SGCG: variants seen among roughly 807,000 people sequenced by gnomAD.
SGCG encodes the protein gamma-sarcoglycan.
Under a neutral mutation model 29.3 loss-of-function variants are expected in SGCG, and 26 were observed. The observed-to-expected ratio is 0.89, with a 90% CI of 0.65 to 1.23. The LOEUF is 1.23. Among genes scored for constraint, SGCG ranks in the 50% most tolerant of loss-of-function variants. The pLI, the probability that SGCG is intolerant of heterozygous loss-of-function variation, is 0.00. For missense variants in SGCG, 353 were observed against 356.0 expected (o/e 0.99, Z 0.07); for synonymous variants, 145 against 129.7 (o/e 1.12, Z -0.80).
the SGCG span, chr13:23,170,674 G>A: frequency 6.6e-6 from 1 of 152,316 alleles, no homozygotes; most frequent in East Asian, 1.9e-4. Context: ...GTCTGTTATG[G>A]TGCCTCTGGT....
chr13:23,199,216 AAAAT>A (rs1323095044), intron 1 of SGCG, among the ~76,000 whole-genome samples: 3 of 152,256 alleles, frequency 2.0e-5, no homozygotes, highest in Non-Finnish European at 2.9e-5. Context: ...CAAGTCTATG[AAAAT>A]AAATTTTGTT....
chr13:23,299,515 C>T (rs1307748900), intron 6 of SGCG, among the ~76,000 whole-genome samples: 1 of 135,314 alleles, frequency 7.4e-6, no homozygotes, highest in Non-Finnish European at 1.6e-5. Flanking sequence ...TGCAGTGGCG[C>T]GATCTCGGCT....
intron 3 of SGCG, 54 bp from the exon 4 acceptor site, chr13:23,250,576 A>T: frequency 3.6e-6 from 3 of 823,974 alleles, no homozygotes; most frequent in Non-Finnish European, 6.3e-6. Context: ...AATTATAAAG[A>T]TATAATCATT....
chr13:23,167,935 GT>G, the SGCG span, among the ~76,000 whole-genome samples: 2 of 152,082 alleles, frequency 1.3e-5, no homozygotes, highest in Non-Finnish European at 1.5e-5. Flanking sequence ...GTTTCACCAT[GT>G]TTGTTGGCCA....
chr13:23,241,779 C>A (rs1879524234), intron 3 of SGCG, among the ~76,000 whole-genome samples: 1 of 152,104 alleles, frequency 6.6e-6, no homozygotes, highest in Admixed American at 6.5e-5. Flanking sequence ...GATGAGTCAA[C>A]ATATGCAAAA....
At chr13:23,226,884 T>C (rs1284481789) in intron 2 of SGCG, among the ~76,000 whole-genome samples, 2 of 152,008 alleles carry the variant, frequency 1.3e-5, no homozygotes, top group Admixed American at 6.6e-5. Flanking sequence ...ACAAGGAGGG[T>C]TCAGCAAGTC....
At chr13:23,293,735 G>A (rs570557368) in intron 5 of SGCG, among the ~76,000 whole-genome samples, 1 of 152,132 alleles carries the variant, frequency 6.6e-6, no homozygotes, top group East Asian at 1.9e-4. Flanking sequence ...AGGAGGCTGA[G>A]GCAGGAGAAT....
At chr13:23,283,470 C>T (rs1279416462) in intron 5 of SGCG, among the ~76,000 whole-genome samples, 1 of 152,098 alleles carries the variant, frequency 6.6e-6, no homozygotes, top group Non-Finnish European at 1.5e-5. Flanking sequence ...ATTTGCTTGG[C>T]AGCTCTTCCT....
the SGCG span, among the ~76,000 whole-genome samples, chr13:23,163,625 G>A: frequency 6.6e-6 from 1 of 152,102 alleles, no homozygotes; most frequent in Non-Finnish European, 1.5e-5. Context: ...ATTAAATAAT[G>A]AAAGCTGAAC....
At chr13:23,177,568 C>CTT (rs71100158), upstream of SGCG, among the ~76,000 whole-genome samples, 8,628 of 76,560 alleles carry the variant, frequency 0.11, 1,149 homozygotes, top group African/African-American at 0.15. Context: ...TGTGAGCAGG[C>CTT]TTTTTTTTTT....
intron 4 of SGCG, among the ~76,000 whole-genome samples, chr13:23,256,473 C>T (rs949682928): frequency 3.3e-5 from 5 of 152,108 alleles, no homozygotes; most frequent in African/African-American, 1.2e-4. Flanking sequence ...TGCTTTGCTG[C>T]ACCCATTAAC....
intron 6 of SGCG, among the ~76,000 whole-genome samples, chr13:23,299,440 ATATATATATATATATAT>A (rs1882049114): frequency 1.9e-4 from 1 of 5,258 alleles, no homozygotes; most frequent in African/African-American, 5.4e-4. Flanking sequence ...ATATATATAT[ATATATATATATATATAT>A]TTTTTTTTTT....
upstream of SGCG, among the ~76,000 whole-genome samples, chr13:23,176,556 T>G (rs1876559810): frequency 2.0e-5 from 3 of 150,206 alleles, no homozygotes; most frequent in Admixed American, 2.0e-4. Flanking sequence ...CAACTACCCC[T>G]GTTTACTTAT....
chr13:23,240,429 C>A (rs541446771), intron 3 of SGCG, among the ~76,000 whole-genome samples: 1 of 152,288 alleles, frequency 6.6e-6, no homozygotes, highest in East Asian at 1.9e-4. Context: ...GATATAGAAA[C>A]AGTAAGCATA....
Position 23,185,343 on chromosome 13 carries a change from C to T in SGCG, c.-1+4268C>T, listed in dbSNP as rs1404029542. On this transcript the variant is annotated intron_variant, in intron 1 of 7. Transcript: ENST00000218867. The stretch of plus-strand genomic sequence containing the variant: ...AGTAGCTGAGACTACAGGCACCTGC[C>T]ACCATGCCTGGCTTATTTTTGTATT... 2.6e-5 allele frequency among the ~76,000 whole-genome samples: 4 copies of T among 152,292 alleles called. No individual in the cohort carries two copies. In the East Asian group the frequency reaches 7.7e-4, roughly 29 times the overall value.
chr13:23,247,315 C>T (rs1879751437), intron 3 of SGCG: 1 of 152,182 alleles, frequency 6.6e-6, no homozygotes, highest in Non-Finnish European at 1.5e-5. Context: ...TGGAGTAAAC[C>T]AGGACAGGAT....
chr13:23,233,775 C>A (rs867577721), intron 2 of SGCG, among the ~76,000 whole-genome samples: 1 of 152,096 alleles, frequency 6.6e-6, no homozygotes, highest in Non-Finnish European at 1.5e-5. Context: ...ATAGCATGAA[C>A]GCAGGAAAGG....
At chr13:23,300,550 A>G (rs7328821) in intron 6 of SGCG, among the ~76,000 whole-genome samples, 84,676 of 151,836 alleles carry the variant, frequency 0.56, 24,636 homozygotes, top group East Asian at 0.84. Context: ...AAAGATTGCT[A>G]TTTTAGGCCA....
intron 2 of SGCG, among the ~76,000 whole-genome samples, chr13:23,221,106 AT>A (rs1417617100): frequency 6.6e-6 from 1 of 152,220 alleles, no homozygotes; most frequent in Non-Finnish European, 1.5e-5. Context: ...AAGGAAAAGA[AT>A]TTTATAAACT....
Sources: allele counts gnomAD v4.1 joint callset (sites outside exome capture counted in the v4.1 genomes callset), GRCh38; gene constraint gnomAD v4.1.1; transcripts MANE v1.5; gene names NCBI Gene and HGNC (gene_info 2026-07-23, HGNC 2026-07-21).